Variants in SLC22A3 observed in about 807,000 individuals in gnomAD.
SLC22A3 encodes the protein solute carrier family 22 member 3, also known as EMT organic cation transporter 3.
Under a neutral mutation model 59.1 loss-of-function variants are expected in SLC22A3, and 51 were observed. The observed-to-expected ratio is 0.86, with a 90% CI of 0.69 to 1.09. The LOEUF (loss-of-function observed/expected upper bound fraction) is 1.09, where lower values mean the gene tolerates loss of function less well. Among genes scored for constraint, SLC22A3 ranks in the 50% least tolerant of loss-of-function variants. The pLI is 0.00. For missense variants in SLC22A3, 711 were observed against 726.3 expected (o/e 0.98, Z 0.24); for synonymous variants, 325 against 292.0 (o/e 1.11, Z -1.15).
intron 5 of SLC22A3, among the ~76,000 whole-genome samples, chr6:160,430,624 A>C (rs967407666): frequency 6.6e-6 from 1 of 152,228 alleles, no homozygotes; most frequent in Non-Finnish European, 1.5e-5. Flanking sequence ...AATAGGGCAA[A>C]TAGCAATTCA....
chr6:160,351,844 C>G (rs1314178939), intron 1 of SLC22A3, among the ~76,000 whole-genome samples: 1 of 152,132 alleles, frequency 6.6e-6, no homozygotes, highest in East Asian at 1.9e-4. Flanking sequence ...TCCAGGGTCC[C>G]ACGCCATTTA....
At chr6:160,431,249 A>G (rs1380530580) in intron 5 of SLC22A3, among the ~76,000 whole-genome samples, 1 of 147,142 alleles carries the variant, frequency 6.8e-6, no homozygotes, top group Non-Finnish European at 1.5e-5. Context: ...ATCAGCACAG[A>G]TATAGAGCTA....
chr6:160,438,654 T>G (rs1266896024), intron 7 of SLC22A3, among the ~76,000 whole-genome samples: 3 of 151,898 alleles, frequency 2.0e-5, no homozygotes, highest in Non-Finnish European at 2.9e-5. Flanking sequence ...TGTTGGAATG[T>G]TTGATGATGA....
At chr6:160,400,906 G>A (rs1174575543) in intron 2 of SLC22A3, among the ~76,000 whole-genome samples, 1 of 149,556 alleles carries the variant, frequency 6.7e-6, no homozygotes, top group Admixed American at 6.7e-5. Flanking sequence ...CGTTGTTACT[G>A]GGCTTATTAG....
chr6:160,365,485 T>C (rs1028749194), intron 1 of SLC22A3, among the ~76,000 whole-genome samples: 11 of 152,188 alleles, frequency 7.2e-5, no homozygotes, highest in African/African-American at 2.7e-4. Flanking sequence ...GGGTAGGGCC[T>C]GAAAATTTGC....
At chr6:160,442,290 C>T (rs1788571448) in intron 7 of SLC22A3, among the ~76,000 whole-genome samples, 1 of 152,196 alleles carries the variant, frequency 6.6e-6, no homozygotes, top group African/African-American at 2.4e-5. Flanking sequence ...AAGGTCAGCT[C>T]ACGTGAGGAA....
intron 5 of SLC22A3, among the ~76,000 whole-genome samples, chr6:160,430,947 T>G (rs1788130085): frequency 6.6e-6 from 1 of 152,186 alleles, no homozygotes; most frequent in Non-Finnish European, 1.5e-5. Context: ...GGGAGGGGAC[T>G]GACTTCACTG....
chr6:160,396,369 C>T (rs1320815042), intron 1 of SLC22A3, among the ~76,000 whole-genome samples: 5 of 151,816 alleles, frequency 3.3e-5, no homozygotes, highest in Non-Finnish European at 7.4e-5. Context: ...CATTTTTTTC[C>T]TTAGAGCAGA....
chr6:160,377,086 G>A (rs553911291), intron 1 of SLC22A3, among the ~76,000 whole-genome samples: 26 of 152,234 alleles, frequency 1.7e-4, no homozygotes, highest in African/African-American at 6.0e-4. Flanking sequence ...GTGTAGGGGC[G>A]GGGAGACTAG....
At chr6:160,441,607 C>CT (rs3066987) in intron 7 of SLC22A3, among the ~76,000 whole-genome samples, 82,555 of 136,548 alleles carry the variant, frequency 0.6, 25,446 homozygotes, top group East Asian at 0.91. Context: ...TGAATTTTAG[C>CT]TTTTTTTTTT....
At chr6:160,416,288 A>T (rs2114872125) in intron 5 of SLC22A3, among the ~76,000 whole-genome samples, 1 of 152,268 alleles carries the variant, frequency 6.6e-6, no homozygotes, top group Non-Finnish European at 1.5e-5. Context: ...ACCAATGCAA[A>T]ACAGTGAAGT....
intron 2 of SLC22A3, among the ~76,000 whole-genome samples, chr6:160,399,658 ATAACT>A (rs998494382): frequency 1.3e-5 from 2 of 152,204 alleles, no homozygotes; most frequent in Non-Finnish European, 2.9e-5. Flanking sequence ...AGAACAAGAA[ATAACT>A]TAATAGGCCA....
chr6:160,430,164 A>G (rs1246813462), intron 5 of SLC22A3, among the ~76,000 whole-genome samples: 1 of 151,838 alleles, frequency 6.6e-6, no homozygotes, highest in Non-Finnish European at 1.5e-5. Context: ...ATTTAAATGA[A>G]TTTTCAAAAC....
At chr6:160,376,230 A>G (rs1785585768) in intron 1 of SLC22A3, among the ~76,000 whole-genome samples, 1 of 152,140 alleles carries the variant, frequency 6.6e-6, no homozygotes, top group East Asian at 1.9e-4. Flanking sequence ...TCCTCAGCAA[A>G]CTAACACAGG....
chr6:160,357,591 C>G (rs1344193061), intron 1 of SLC22A3, among the ~76,000 whole-genome samples: 1 of 152,094 alleles, frequency 6.6e-6, no homozygotes, highest in African/African-American at 2.4e-5. Context: ...ACAGCCTGCA[C>G]GTTTAATATT....
In SLC22A3 at chr6:160,452,401, G is replaced by A. The variant is rs1358602343; in HGVS notation, c.*1345G>A. 4 of 152,138 alleles carry A rather than the reference G, an allele frequency of 2.6e-5. No individual in the cohort carries two copies. The highest frequency in any genetic ancestry group is 1.9e-4 in the East Asian group (1 of 5,188). 9.4% of individuals were successfully genotyped at this position (152,138 alleles called of 1,614,324 possible). A position where few individuals can be genotyped will look rare whatever the true frequency, so the allele number is the denominator to read the frequency against. On this transcript the variant is annotated 3_prime_UTR_variant, in exon 11 of 11. Transcript: ENST00000275300. ...ATTGAATACGAATAATCTATTTGTC[G>A]ATGAAATAAACACAACTCTTTGAGG...
chr6:160,376,306 C>T (rs1785588481), intron 1 of SLC22A3, among the ~76,000 whole-genome samples: 2 of 151,532 alleles, frequency 1.3e-5, no homozygotes, highest in African/African-American at 2.4e-5. Context: ...AACACATGGA[C>T]TCAGGCAGGG....
chr6:160,367,178 G>C (rs1486779278), intron 1 of SLC22A3, among the ~76,000 whole-genome samples: 1 of 152,160 alleles, frequency 6.6e-6, no homozygotes, highest in Non-Finnish European at 1.5e-5. Context: ...GGCTAGGGAG[G>C]CCTCAGGAAA....
intron 5 of SLC22A3, among the ~76,000 whole-genome samples, chr6:160,421,920 A>C (rs1176761832): frequency 6.6e-6 from 1 of 152,226 alleles, no homozygotes; most frequent in Non-Finnish European, 1.5e-5. Context: ...CAGCAAAACC[A>C]GTTTCCACAA....
Sources: gnomAD v4.1 joint callset for allele counts (sites outside exome capture counted in the v4.1 genomes callset) on GRCh38, gnomAD v4.1.1 for gene constraint, MANE v1.5 for transcripts, NCBI Gene and HGNC (gene_info 2026-07-23, HGNC 2026-07-21) for gene names.